CPEB4: variants seen among roughly 807,000 people sequenced by gnomAD.
CPEB4 encodes the protein cytoplasmic polyadenylation element-binding protein 4.
In CPEB4, 12 loss-of-function variants were observed where a neutral mutation model predicts 72.5. That is an observed-to-expected ratio of 0.17 (90% CI 0.11 to 0.27). The LOEUF (loss-of-function observed/expected upper bound fraction) is 0.27. Ranked by LOEUF, CPEB4 falls within the 10% of genes least tolerant of loss-of-function variation. The pLI is 1.00. For synonymous variants in CPEB4, 302 were observed against 326.3 expected, an observed-to-expected ratio of 0.93 and a Z score of 0.80; for missense variants, 614 against 908.5, an observed-to-expected ratio of 0.68 and a Z score of 4.17.
rs1389977158 is a variant in CPEB4, at chr5:173,955,001, A to G, written c.1963-909A>G. On this transcript the variant is annotated intron_variant, in intron 9 of 9. Transcript: ENST00000265085. This position sits in a 1 kb window ranked among gnomAD's most constrained non-coding sequence, Gnocchi z 4.7. ...ACCCAGGCTGGAGCACAGAATCACA[A>G]TCATGACTCACTGCATGTTCTTCTC... 2.6e-5 allele frequency among the ~76,000 whole-genome samples: 4 copies of G among 152,158 alleles called. No homozygotes were observed. Among genetic ancestry groups the G allele is most frequent in the Non-Finnish European group, 5.9e-5 (4 of 68,028 alleles).
intron 3 of CPEB4, among the ~76,000 whole-genome samples, chr5:173,933,535 A>G (rs1400424708): frequency 6.6e-6 from 1 of 152,194 alleles, no homozygotes; most frequent in Non-Finnish European, 1.5e-5. Context: ...AGGTCTTTTC[A>G]TGCTACAGTG....
intron 2 of CPEB4, 152 bp from the exon 3 acceptor site, chr5:173,932,298 C>A: frequency 6.0e-6 from 3 of 497,194 alleles, no homozygotes; most frequent in Non-Finnish European, 1.1e-5. Flanking sequence ...CAAACTTTTC[C>A]TTTTTGAATA....
In CPEB4 at chr5:173,937,019, C is replaced by CCTTTTTTTTTTTT. The variant is rs1561625579; in HGVS notation, c.1258+4519_1258+4520insCTTTTTTTTTTTT. Among the ~76,000 whole-genome samples, 2 of 97,214 alleles carry CCTTTTTTTTTTTT rather than the reference C, an allele frequency of 2.1e-5. 1 individual carries two copies. The highest frequency in any genetic ancestry group is 4.0e-5 in the Non-Finnish European group (2 of 49,940). The allele number at this position is 97,214 out of a possible 152,430, so 63.8% of individuals were successfully genotyped here. On this transcript the variant is annotated intron_variant, in intron 3 of 9. Transcript: ENST00000265085. ...GGTAGCACAGAACAACATTTCTTTC[C>CCTTTTTTTTTTTT]TTTTTTTTTTTTTTTTTTTTTTGAG...
intron 7 of CPEB4, among the ~76,000 whole-genome samples, chr5:173,951,191 A>C (rs1347656590): frequency 6.6e-6 from 1 of 152,152 alleles, no homozygotes; most frequent in Non-Finnish European, 1.5e-5. Flanking sequence ...TTGGGAATAC[A>C]CTGCTGTCAA....
chr5:173,925,738 C>A (rs1581140722), intron 2 of CPEB4, among the ~76,000 whole-genome samples: 2 of 152,204 alleles, frequency 1.3e-5, no homozygotes, highest in African/African-American at 4.8e-5. Context: ...AGGACTACCT[C>A]CTTTAAAATA....
At chr5:173,934,560 G>A (rs983996194) in intron 3 of CPEB4, among the ~76,000 whole-genome samples, 4 of 152,154 alleles carry the variant, frequency 2.6e-5, no homozygotes, top group African/African-American at 9.7e-5. Flanking sequence ...CTCAGGTCTA[G>A]TACTGAGCTT....
intron 2 of CPEB4, among the ~76,000 whole-genome samples, chr5:173,924,956 G>A (rs770222201): frequency 1.3e-5 from 2 of 152,224 alleles, no homozygotes; most frequent in Non-Finnish European, 2.9e-5. Context: ...ACTGGAAGGA[G>A]TACAGAGGGT....
intron 5 of CPEB4, among the ~76,000 whole-genome samples, chr5:173,945,604 T>C (rs1332554177): frequency 6.6e-6 from 1 of 152,210 alleles, no homozygotes; most frequent in African/African-American, 2.4e-5. Flanking sequence ...TAATCTTACT[T>C]AAGGTAGTAA....
At chr5:173,901,535 A>T (rs997950103) in intron 1 of CPEB4, among the ~76,000 whole-genome samples, 1 of 152,200 alleles carries the variant, frequency 6.6e-6, no homozygotes, top group African/African-American at 2.4e-5. Context: ...ATAGTGAAGG[A>T]TTTCATACCT....
chr5:173,930,394 T>C (rs1227195306), intron 2 of CPEB4, among the ~76,000 whole-genome samples: 1 of 151,740 alleles, frequency 6.6e-6, no homozygotes, highest in East Asian at 2.1e-4. Context: ...ATGTTCTTGC[T>C]CGTAGCATCT....
chr5:173,915,160 A>G (rs1756819682), intron 2 of CPEB4, among the ~76,000 whole-genome samples: 1 of 152,212 alleles, frequency 6.6e-6, no homozygotes, highest in Non-Finnish European at 1.5e-5. Context: ...AAAATGCTTA[A>G]TAGTCCTAGG....
chr5:173,930,108 G>A (rs1240093411), intron 2 of CPEB4, among the ~76,000 whole-genome samples: 3 of 151,202 alleles, frequency 2.0e-5, no homozygotes, highest in Non-Finnish European at 2.9e-5. Context: ...AGGCTGGAGA[G>A]CAGTGGCGAG....
At position 173,961,075 on chromosome 5, in the gene CPEB4, G is replaced by A. The variant is rs74604333; in HGVS notation, c.*4938G>A. On this transcript the variant is annotated 3_prime_UTR_variant, in exon 10 of 10. Coordinates refer to ENST00000265085, the MANE Select transcript of CPEB4 (RefSeq NM_030627.4). ...AAGAGGTTCTTGTCCTGAGAGAAATGGACTATGAGATCTTTTGCGTCTAAG... is the reference window on the plus strand; with the variant it reads ...AAGAGGTTCTTGTCCTGAGAGAAATAGACTATGAGATCTTTTGCGTCTAAG... The A allele has an allele frequency of 1.1e-4, 17 of 152,266 alleles. No homozygotes were observed. The East Asian group carries it at 3.1e-3, about 28-fold the overall frequency. The allele number at this position is 152,266 out of a possible 1,614,324, so 9.4% of individuals were successfully genotyped here. A position where few individuals can be genotyped will look rare whatever the true frequency, so the allele number is the denominator to read the frequency against.
chr5:173,932,328 A>G (rs17763373), intron 2 of CPEB4, 122 bp from the exon 3 acceptor site: 30,839 of 626,444 alleles, frequency 0.049, 969 homozygotes, highest in Non-Finnish European at 0.065. Flanking sequence ...ATGCTGATTG[A>G]TATATCCTCT....
intron 1 of CPEB4, among the ~76,000 whole-genome samples, chr5:173,894,183 C>T (rs910003129): frequency 1.3e-5 from 2 of 151,986 alleles, no homozygotes; most frequent in African/African-American, 2.4e-5. Flanking sequence ...TTTGTAGAGA[C>T]AGGGTTTCAC....
At chr5:173,927,570 G>A (rs1054287748) in intron 2 of CPEB4, among the ~76,000 whole-genome samples, 10 of 152,246 alleles carry the variant, frequency 6.6e-5, no homozygotes, top group African/African-American at 2.2e-4. Context: ...GAGGTCAGGA[G>A]TTGAAGACCA....
At chr5:173,954,379 CTTTG>C (rs1454385635) in intron 9 of CPEB4, among the ~76,000 whole-genome samples, 2 of 152,054 alleles carry the variant, frequency 1.3e-5, no homozygotes, top group Non-Finnish European at 2.9e-5. Flanking sequence ...AACATGCCTA[CTTTG>C]TTTGTTTGAG....
chr5:173,921,593 T>C (rs773614043), intron 2 of CPEB4, among the ~76,000 whole-genome samples: 12 of 152,162 alleles, frequency 7.9e-5, no homozygotes, highest in Non-Finnish European at 1.8e-4. Context: ...TCCTGCATGA[T>C]GCCAGGGGGT....
intron 1 of CPEB4, among the ~76,000 whole-genome samples, chr5:173,895,961 A>G (rs1335058238): frequency 6.6e-6 from 1 of 152,240 alleles, no homozygotes; most frequent in African/African-American, 2.4e-5. Context: ...GCTGGTTGCA[A>G]CTAGAAAGAT....
Sources: allele counts gnomAD v4.1 joint callset (sites outside exome capture counted in the v4.1 genomes callset), GRCh38; gene constraint gnomAD v4.1.1; non-coding constraint Gnocchi (gnomAD v3.1); transcripts MANE v1.5; gene names NCBI Gene and HGNC (gene_info 2026-07-23, HGNC 2026-07-21).